The following TMEM144 variants were observed in gnomAD, a reference collection of about 807,000 sequenced individuals.
The protein encoded by TMEM144 is transmembrane protein 144.
A neutral mutation model predicts 43.6 loss-of-function variants in TMEM144; 39 were observed. The ratio of observed to expected loss-of-function variants is 0.90; its 90% confidence interval spans 0.69 to 1.17. The LOEUF (loss-of-function observed/expected upper bound fraction) is 1.17. Among genes scored for constraint, TMEM144 ranks in the 50% most tolerant of loss-of-function variants. TMEM144 has a pLI of 0.00. For missense variants in TMEM144, 417 were observed against 411.9 expected (o/e 1.01, Z -0.11); for synonymous variants, 154 against 133.6 (o/e 1.15, Z -1.06).
At chr4:158,224,191 G>A (rs1454882095) in intron 6 of TMEM144, among the ~76,000 whole-genome samples, 1 of 152,070 alleles carries the variant, frequency 6.6e-6, no homozygotes, top group East Asian at 1.9e-4. Flanking sequence ...ATGTTTGTTG[G>A]TCATGCAAAT....
At chr4:158,232,340 A>G (rs1440563171) in intron 6 of TMEM144, among the ~76,000 whole-genome samples, 4 of 152,234 alleles carry the variant, frequency 2.6e-5, no homozygotes, top group Non-Finnish European at 1.5e-5. Context: ...ACAGCTGCAT[A>G]GTATTCCATT....
chr4:158,217,272 T>G, intron 4 of TMEM144, 49 bp from the exon 5 acceptor site: 1 of 1,285,928 alleles, frequency 7.8e-7, no homozygotes, highest in Non-Finnish European at 1.1e-6. Context: ...TTTATAAATG[T>G]ATTTTCTATA....
rs1228935585 is a variant in TMEM144 at position 158,210,599 on chromosome 4, A to C, written c.-183+13A>C. ...AGCCCGGAACGCAGTGAGTACAGCC[A>C]CTCAAAGGAAAGCCAAGTCGCTTTG... On this transcript the variant is annotated intron_variant, in intron 1 of 12. Transcript: ENST00000296529. The C allele has an allele frequency of 1.3e-5, 2 of 152,246 alleles. No homozygotes were observed. The highest frequency in any genetic ancestry group is 2.9e-5 in the Non-Finnish European group (2 of 68,054). The allele number at this position is 152,246 out of a possible 1,614,324, so 9.4% of individuals were successfully genotyped here. A position where few individuals can be genotyped will look rare whatever the true frequency, so the allele number is the denominator to read the frequency against.
chr4:158,225,309 A>G (rs943744369), intron 6 of TMEM144, among the ~76,000 whole-genome samples: 5 of 152,144 alleles, frequency 3.3e-5, no homozygotes, highest in Admixed American at 6.5e-5. Context: ...CGTAGGGTGT[A>G]AAGGGTTTTG....
chr4:158,214,774 T>C (rs1319496645), intron 3 of TMEM144, among the ~76,000 whole-genome samples: 2 of 152,198 alleles, frequency 1.3e-5, no homozygotes, highest in Non-Finnish European at 2.9e-5. Flanking sequence ...TCCGAAGCAC[T>C]TACTGCCATA....
At chr4:158,231,046 G>A (rs959666524) in intron 6 of TMEM144, among the ~76,000 whole-genome samples, 8 of 152,118 alleles carry the variant, frequency 5.3e-5, no homozygotes, top group Non-Finnish European at 7.4e-5. Flanking sequence ...CCGCCTGTTC[G>A]GATTCTTCTT....
At chr4:158,232,541 T>C (rs1160855102) in intron 6 of TMEM144, among the ~76,000 whole-genome samples, 1 of 152,244 alleles carries the variant, frequency 6.6e-6, no homozygotes, top group Non-Finnish European at 1.5e-5. Flanking sequence ...CTAGCGTTTG[T>C]CCAACTGAGG....
chr4:158,235,083 T>G (rs1432103455), intron 7 of TMEM144: 5 of 170,848 alleles, frequency 2.9e-5, no homozygotes, highest in Non-Finnish European at 6.2e-5. Context: ...CTCATTGATC[T>G]TAAGCATTCC....
At chr4:158,242,105 T>C (rs1396681142) in intron 11 of TMEM144, among the ~76,000 whole-genome samples, 1 of 152,188 alleles carries the variant, frequency 6.6e-6, no homozygotes, top group Non-Finnish European at 1.5e-5. Flanking sequence ...ACCACTGAAG[T>C]AGGTGAGTGT....
At chr4:158,221,244 A>T (rs1297032742) in intron 6 of TMEM144, among the ~76,000 whole-genome samples, 1 of 152,140 alleles carries the variant, frequency 6.6e-6, no homozygotes, top group Non-Finnish European at 1.5e-5. Context: ...CCAGTTGAGC[A>T]AAAGAAGGAA....
intron 11 of TMEM144, among the ~76,000 whole-genome samples, chr4:158,243,822 A>T (rs530258293): frequency 7.2e-5 from 11 of 152,336 alleles, no homozygotes; most frequent in Non-Finnish European, 1.3e-4. Context: ...AGTTAAAAAA[A>T]TTTTTAAAGC....
intron 6 of TMEM144, among the ~76,000 whole-genome samples, chr4:158,231,356 T>G (rs1042214644): frequency 1.3e-5 from 2 of 152,194 alleles, no homozygotes; most frequent in African/African-American, 4.8e-5. Flanking sequence ...AGAGAGACTT[T>G]CCTTCTGAGG....
chr4:158,240,376 A>G lies in TMEM144; in HGVS notation c.760A>G (p.Met254Val). 1.2e-6 allele frequency: 2 copies of G among 1,613,944 alleles called. No homozygotes were observed. Among genetic ancestry groups the G allele is most frequent in the Non-Finnish European group, 1.7e-6 (2 of 1,179,936 alleles). ...CTACTTTCTGGCCTACTGCATAGCC[A>G]TGAAAAATAGTCCTAAACTATATCC... Reference protein sequence around the residue: ...TVYFLAYCIAMKNSPKLYPEA... With the variant: ...TVYFLAYCIAVKNSPKLYPEA... The change falls in exon 10 of 13, where the codon ATG (methionine) becomes GTG (valine). Residue 254 changes from methionine to valine, a missense_variant. By Grantham distance (21) the Met-to-Val change is conservative (BLOSUM62 1). Coordinates refer to ENST00000296529, the MANE Select transcript of TMEM144 (RefSeq NM_018342.5).
Position 158,213,069 on chromosome 4 carries a change from G to A in TMEM144, c.109+293G>A, listed in dbSNP as rs62335894. On this transcript the variant is annotated intron_variant, in intron 3 of 12. Coordinates refer to ENST00000296529, the MANE Select transcript of TMEM144 (RefSeq NM_018342.5). ...TCAGTTCTACTATAACACCTGTTTTGAAAACATGAATCTTCAACATGATTG... is the reference window on the plus strand; with the variant it reads ...TCAGTTCTACTATAACACCTGTTTTAAAAACATGAATCTTCAACATGATTG... 6.3e-3 allele frequency: 2,965 copies of A among 473,546 alleles called. 11 individuals carry two copies. Among genetic ancestry groups the A allele is most frequent in the Non-Finnish European group, 9.7e-3 (2,567 of 265,122 alleles). The allele number at this position is 473,546 out of a possible 1,614,324, so 29.3% of individuals were successfully genotyped here. A position where few individuals can be genotyped will look rare whatever the true frequency, so the allele number is the denominator to read the frequency against.
rs1460361360 is a variant in TMEM144, at chr4:158,244,350, G to T, written c.954+1G>T. On this transcript the variant is annotated splice_donor_variant, in intron 12 of 12. Transcript: ENST00000296529. LOFTEE classifies it high-confidence loss of function. Reference sequence around the variant, plus strand: ...TATCTTCATGTTTAAGGAAATAAAGGTATGTACAAGAAAGGGCAGACTTAG... The same window carrying T: ...TATCTTCATGTTTAAGGAAATAAAGTTATGTACAAGAAAGGGCAGACTTAG... 3 of 1,609,110 alleles carry T rather than the reference G, an allele frequency of 1.9e-6. No individual in the cohort carries two copies. The highest frequency in any genetic ancestry group is 2.5e-6 in the Non-Finnish European group (3 of 1,177,050).
At position 158,241,450 on chromosome 4, in the gene TMEM144, G is replaced by A. The variant is rs1735631392; in HGVS notation, c.803-59G>A. On this transcript the variant is annotated intron_variant, in intron 10 of 12. Coordinates refer to ENST00000296529, the MANE Select transcript of TMEM144 (RefSeq NM_018342.5). ...ACTTTGATATTCCTGTTGTAGCTCA[G>A]TGTGAGTTCTTCAGGAGGGGAACAT... The A allele has an allele frequency of 5.5e-6, 7 of 1,265,960 alleles. No homozygotes were observed. In the East Asian group the frequency reaches 1.2e-4, roughly 21 times the overall value. 78.4% of individuals were successfully genotyped at this position (1,265,960 alleles called of 1,614,324 possible).
intron 12 of TMEM144, 46 bp downstream of exon 12, chr4:158,244,395 C>T (rs1194783777): frequency 2.6e-6 from 4 of 1,524,126 alleles, no homozygotes; most frequent in Non-Finnish European, 3.6e-6. Flanking sequence ...ATGGGGTAGG[C>T]CGGGCGTGGT....
chr4:158,224,860 T>TGATG (rs1190991082), intron 6 of TMEM144, among the ~76,000 whole-genome samples: 5 of 152,168 alleles, frequency 3.3e-5, no homozygotes, highest in Non-Finnish European at 7.3e-5. Context: ...CCCAGTCTAC[T>TGATG]GATGTTTAAG....
intron 10 of TMEM144, 53 bp from the exon 11 acceptor site, chr4:158,241,456 G>C (rs992170142): frequency 7.3e-7 from 1 of 1,372,784 alleles, no homozygotes; most frequent in Non-Finnish European, 1.0e-6. Context: ...CTCAGTGTGA[G>C]TTCTTCAGGA....
Sources: gnomAD v4.1 joint callset for allele counts (sites outside exome capture counted in the v4.1 genomes callset) on GRCh38, gnomAD v4.1.1 for gene constraint, MANE v1.5 for transcripts, NCBI Gene and HGNC (gene_info 2026-07-23, HGNC 2026-07-21) for gene names.